The following ADAMTSL1 variants were observed in gnomAD, a reference collection of about 807,000 sequenced individuals.
ADAMTSL1 encodes the protein ADAMTS-like protein 1.
A neutral mutation model predicts 201.8 loss-of-function variants in ADAMTSL1; 126 were observed. The observed-to-expected ratio is 0.62, with a 90% CI of 0.54 to 0.72. ADAMTSL1 has a LOEUF of 0.72. Among genes scored for constraint, ADAMTSL1 ranks in the 30% least tolerant of loss-of-function variants. ADAMTSL1 has a pLI of 0.00. For synonymous variants in ADAMTSL1, 1,121 were observed against 903.4 expected, an observed-to-expected ratio of 1.24 and a Z score of -4.32; for missense variants, 2,679 against 2,277.8, an observed-to-expected ratio of 1.18 and a Z score of -3.59.
intron 1 of ADAMTSL1, among the ~76,000 whole-genome samples, chr9:18,142,668 T>A (rs1399506123): frequency 1.3e-5 from 2 of 152,168 alleles, no homozygotes; most frequent in Non-Finnish European, 2.9e-5. Flanking sequence ...AGTCAGAGAA[T>A]CTATGCATTT....
At chr9:18,817,336 T>C (rs908760052) in intron 21 of ADAMTSL1, 99 bp downstream of exon 21, 4 of 1,227,496 alleles carry the variant, frequency 3.3e-6, no homozygotes, top group Admixed American at 2.8e-5. Context: ...CTCAGGGATA[T>C]AGTGCTAGTA....
chr9:18,679,210 G>A (rs768706282), intron 10 of ADAMTSL1, among the ~76,000 whole-genome samples: 2 of 152,114 alleles, frequency 1.3e-5, no homozygotes, highest in African/African-American at 4.8e-5. Flanking sequence ...GTGTGCCTGT[G>A]CAACATTTTA....
intron 4 of ADAMTSL1, among the ~76,000 whole-genome samples, chr9:18,608,043 G>A (rs919195883): frequency 6.6e-6 from 1 of 152,106 alleles, no homozygotes; most frequent in South Asian, 2.1e-4. Flanking sequence ...CAGAAGAAAT[G>A]CAACGTGATG....
At chr9:18,255,169 T>C (rs892112434) in intron 2 of ADAMTSL1, among the ~76,000 whole-genome samples, 2 of 152,224 alleles carry the variant, frequency 1.3e-5, no homozygotes, top group African/African-American at 4.8e-5. Flanking sequence ...TTTGGTGTTT[T>C]AGTGTCCTGG....
intron 26 of ADAMTSL1, among the ~76,000 whole-genome samples, chr9:18,900,323 T>C (rs1055197698): frequency 2.0e-5 from 3 of 152,206 alleles, no homozygotes; most frequent in Non-Finnish European, 4.4e-5. Flanking sequence ...TTTCACACTG[T>C]TGGTGAGAAT....
At chr9:18,357,661 T>C (rs1836312555) in intron 2 of ADAMTSL1, among the ~76,000 whole-genome samples, 1 of 152,156 alleles carries the variant, frequency 6.6e-6, no homozygotes, top group Admixed American at 6.5e-5. Context: ...GTTGTATGTA[T>C]TTGTTCTTAA....
chr9:18,855,122 C>T (rs989718496), intron 23 of ADAMTSL1, among the ~76,000 whole-genome samples: 5 of 152,138 alleles, frequency 3.3e-5, no homozygotes, highest in African/African-American at 9.7e-5. Context: ...TTTGGGTTTT[C>T]CATTCCACAG....
chr9:18,784,780 AC>A (rs1160412708), intron 19 of ADAMTSL1, among the ~76,000 whole-genome samples: 1 of 152,096 alleles, frequency 6.6e-6, no homozygotes, highest in Non-Finnish European at 1.5e-5. Context: ...CCTCACAATA[AC>A]CCTTTGAAGT....
intron 2 of ADAMTSL1, among the ~76,000 whole-genome samples, chr9:18,456,029 C>T (rs10120111): frequency 0.026 from 3,910 of 152,182 alleles, 164 homozygotes; most frequent in African/African-American, 0.09. Context: ...AGTTAGTCAC[C>T]GTTACCTTTC....
At chr9:18,251,098 TA>T (rs906103283) in intron 2 of ADAMTSL1, among the ~76,000 whole-genome samples, 1 of 151,318 alleles carries the variant, frequency 6.6e-6, no homozygotes, top group Non-Finnish European at 1.5e-5. Context: ...ACTCTAAAAC[TA>T]AAAAAAAGTA....
At chr9:18,895,939 G>A (rs1203501169) in intron 26 of ADAMTSL1, among the ~76,000 whole-genome samples, 1 of 152,158 alleles carries the variant, frequency 6.6e-6, no homozygotes, top group Non-Finnish European at 1.5e-5. Context: ...ATGCTAAATT[G>A]GGAGCTGAAA....
chr9:18,054,647 A>T (rs1822092143), intron 1 of ADAMTSL1, among the ~76,000 whole-genome samples: 2 of 152,196 alleles, frequency 1.3e-5, no homozygotes, highest in South Asian at 4.1e-4. Context: ...AGTTAAAGGG[A>T]CCTTGAAGCT....
At chr9:18,176,246 T>A (rs1477028249) in intron 2 of ADAMTSL1, among the ~76,000 whole-genome samples, 1 of 152,090 alleles carries the variant, frequency 6.6e-6, no homozygotes, top group Non-Finnish European at 1.5e-5. Flanking sequence ...GCAAGGAATA[T>A]GTTTGACACT....
At chr9:18,722,302 G>A (rs1327838710) in intron 15 of ADAMTSL1, among the ~76,000 whole-genome samples, 1 of 152,090 alleles carries the variant, frequency 6.6e-6, no homozygotes, top group Admixed American at 6.5e-5. Context: ...TGAGAAACTT[G>A]CCTTCTAGAT....
At chr9:18,516,576 A>T (rs1818377098) in intron 2 of ADAMTSL1, among the ~76,000 whole-genome samples, 1 of 152,158 alleles carries the variant, frequency 6.6e-6, no homozygotes, top group Admixed American at 6.5e-5. Flanking sequence ...TACTTTGTGG[A>T]TTATTACTTC....
intron 26 of ADAMTSL1, among the ~76,000 whole-genome samples, chr9:18,904,555 G>A (rs1428626135): frequency 1.4e-5 from 2 of 144,434 alleles, no homozygotes; most frequent in African/African-American, 2.5e-5. Context: ...GATCAATTGA[G>A]CCTGGGAGGT....
Position 18,795,380 on chromosome 9 carries a change from C to G in ADAMTSL1, c.3678-17C>G. 1 of 1,613,508 alleles carries G rather than the reference C, an allele frequency of 6.2e-7. No individual in the cohort carries two copies. Among genetic ancestry groups the G allele is most frequent in the Non-Finnish European group, 8.5e-7 (1 of 1,179,672 alleles). ...AACTGACTTGACCAGGTCTATATTT[C>G]TTTTCTGTCGCTCCAGGATTCTTCT... On this transcript the variant is annotated splice_polypyrimidine_tract_variant and intron_variant, in intron 19 of 28. Transcript: ENST00000380548.
intron 3 of ADAMTSL1, among the ~76,000 whole-genome samples, chr9:18,539,176 A>T (rs1487388987): frequency 6.6e-6 from 1 of 152,106 alleles, no homozygotes; most frequent in Non-Finnish European, 1.5e-5. Context: ...TCGCTTATTC[A>T]TTCTCTTGAT....
At position 17,960,023 on chromosome 9, in the gene ADAMTSL1, T is replaced by C. The variant is rs533910295; in HGVS notation, c.87+53101T>C. On this transcript the variant is annotated intron_variant, in intron 1 of 29. Transcript: ENST00000680146. ...CCCAAAGTTGCAGTGACTTAAACGT[T>C]ATATAAACATGTATCTCTTCTTACC... is the stretch of plus-strand genomic sequence containing the variant. Among the ~76,000 whole-genome samples the C allele has an allele frequency of 8.5e-5, 13 of 152,278 alleles. No homozygotes were observed. In the East Asian group the frequency reaches 2.3e-3, roughly 27 times the overall value.
Sources: allele counts gnomAD v4.1 joint callset (sites outside exome capture counted in the v4.1 genomes callset), GRCh38; gene constraint gnomAD v4.1.1; transcripts MANE v1.5; gene names NCBI Gene and HGNC (gene_info 2026-07-23, HGNC 2026-07-21).